RBMS3: variants seen among roughly 807,000 people sequenced by gnomAD.
RBMS3 encodes RNA binding motif single stranded interacting protein 3, also known as RNA-binding motif, single-stranded-interacting protein 3.
In RBMS3, 27 loss-of-function variants were observed where a neutral mutation model predicts 66.8. The ratio of observed to expected loss-of-function variants is 0.40; its 90% CI spans 0.30 to 0.56. The LOEUF (loss-of-function observed/expected upper bound fraction) is 0.56. Ranked by LOEUF, RBMS3 falls within the 20% of genes least tolerant of loss-of-function variation. The pLI is 0.40. For synonymous variants in RBMS3, 188 were observed against 183.0 expected (o/e 1.03, Z -0.22); for missense variants, 513 against 549.5 (o/e 0.93, Z 0.66).
At chr3:29,994,036 G>A (rs1241259716) in intron 14 of RBMS3, among the ~76,000 whole-genome samples, 2 of 137,948 alleles carry the variant, frequency 1.4e-5, no homozygotes, top group African/African-American at 2.9e-5. Context: ...CATCTCACTA[G>A]GGAGTGCCAG....
chr3:29,348,700 T>C (rs1446794105), intron 1 of RBMS3, among the ~76,000 whole-genome samples: 1 of 152,126 alleles, frequency 6.6e-6, no homozygotes, highest in Non-Finnish European at 1.5e-5. Flanking sequence ...AAACCAAAAA[T>C]CGTAAACTCC....
chr3:29,379,990 T>C (rs2038683568), intron 1 of RBMS3, among the ~76,000 whole-genome samples: 1 of 151,934 alleles, frequency 6.6e-6, no homozygotes, highest in Admixed American at 6.6e-5. Flanking sequence ...CCTGAAGAAA[T>C]AGAATGAATT....
chr3:29,832,791 A>G (rs1031904088), intron 6 of RBMS3, among the ~76,000 whole-genome samples: 1 of 152,292 alleles, frequency 6.6e-6, no homozygotes. Context: ...AAGTCCACCC[A>G]TGAACTACTT....
chr3:29,704,269 G>T (rs1478268510), intron 4 of RBMS3, among the ~76,000 whole-genome samples: 1 of 152,162 alleles, frequency 6.6e-6, no homozygotes, highest in Non-Finnish European at 1.5e-5. Context: ...TGCCGTAAAG[G>T]TTGGGGACCC....
chr3:29,820,541 AG>A (rs1348336754), intron 6 of RBMS3, among the ~76,000 whole-genome samples: 1 of 152,122 alleles, frequency 6.6e-6, no homozygotes, highest in Non-Finnish European at 1.5e-5. Context: ...GCTAATTCAA[AG>A]GATAGTGTTC....
chr3:29,303,604 G>A (rs1035233760), intron 1 of RBMS3, among the ~76,000 whole-genome samples: 1 of 151,966 alleles, frequency 6.6e-6, no homozygotes, highest in Non-Finnish European at 1.5e-5. Flanking sequence ...AATAAGTCCT[G>A]TTGAGAGGAA....
At chr3:29,797,591 A>G (rs2057244539) in intron 6 of RBMS3, 1 of 152,230 alleles carries the variant, frequency 6.6e-6, no homozygotes, top group African/African-American at 2.4e-5. Flanking sequence ...AAAAAGGCCT[A>G]GCTTTCAGAC....
At chr3:29,816,888 G>A (rs558143427) in intron 6 of RBMS3, among the ~76,000 whole-genome samples, 5 of 151,916 alleles carry the variant, frequency 3.3e-5, no homozygotes, top group African/African-American at 4.8e-5. Context: ...TCAGGAGTTC[G>A]AGACCAGCCT....
chr3:29,373,058 G>A (rs2038290825), intron 1 of RBMS3, among the ~76,000 whole-genome samples: 1 of 152,096 alleles, frequency 6.6e-6, no homozygotes, highest in South Asian at 2.1e-4. Flanking sequence ...CTTTCTCTGG[G>A]TTTTTAATAC....
chr3:29,515,133 T>C (rs1398269163), intron 3 of RBMS3, among the ~76,000 whole-genome samples: 1 of 152,188 alleles, frequency 6.6e-6, no homozygotes. Context: ...CAAATCGACC[T>C]TAAGTTTGGA....
chr3:29,788,202 A>ATT (rs34037007), intron 6 of RBMS3, among the ~76,000 whole-genome samples: 37,231 of 134,682 alleles, frequency 0.28, 5,273 homozygotes, highest in Non-Finnish European at 0.33. Flanking sequence ...TTTGGAGTTC[A>ATT]TTTTTTTTTT....
chr3:29,547,962 T>C (rs1374725647), intron 3 of RBMS3, among the ~76,000 whole-genome samples: 2 of 150,696 alleles, frequency 1.3e-5, no homozygotes, highest in Non-Finnish European at 3.0e-5. Context: ...CCCTGGCTAA[T>C]TATTATATTA....
chr3:29,465,126 CCACAATGAACGATGATGATAA>C (rs1236605659), intron 2 of RBMS3, among the ~76,000 whole-genome samples: 2 of 152,066 alleles, frequency 1.3e-5, no homozygotes, highest in Non-Finnish European at 2.9e-5. Context: ...TGTACAGTAT[CCACAATGAACGATGATGATAA>C]CACAAGGGCC....
intron 1 of RBMS3, among the ~76,000 whole-genome samples, chr3:29,350,428 G>A (rs573571475): frequency 6.6e-6 from 1 of 152,136 alleles, no homozygotes; most frequent in South Asian, 2.1e-4. Context: ...AAATCATATA[G>A]GTAATTATAT....
chr3:29,619,056 C>G (rs763699706), intron 4 of RBMS3, among the ~76,000 whole-genome samples: 1 of 151,662 alleles, frequency 6.6e-6, no homozygotes, highest in East Asian at 1.9e-4. Flanking sequence ...CATTTGACGT[C>G]GAAAATGATA....
Position 29,528,108 on chromosome 3 carries a change from ATTT to A in RBMS3, c.307+39629_307+39631del, listed in dbSNP as rs66534941. Reference sequence around the variant, plus strand: ...TGAAACATCCACAAATGCAAGCAAGATTTTTTTTTTTTTTTTTTTTTTGAGATA... The same window carrying A: ...TGAAACATCCACAAATGCAAGCAAGATTTTTTTTTTTTTTTTTTTGAGATA... On this transcript the variant is annotated intron_variant, in intron 3 of 14. Coordinates refer to ENST00000383767, the MANE Select transcript of RBMS3 (RefSeq NM_001003793.3). 1.2e-3 allele frequency among the ~76,000 whole-genome samples: 130 copies of A among 108,150 alleles called. 1 individual carries two copies. Among genetic ancestry groups the A allele is most frequent in the African/African-American group, 4.1e-3 (107 of 26,068 alleles). The allele number at this position is 108,150 out of a possible 152,430, so 71.0% of individuals were successfully genotyped here.
chr3:29,398,728 C>T (rs73040693), intron 1 of RBMS3, among the ~76,000 whole-genome samples: 3,853 of 152,176 alleles, frequency 0.025, 67 homozygotes, highest in East Asian at 0.039. Context: ...AGATCCTTGT[C>T]ATGTGCTGCA....
At chr3:29,958,789 G>T (rs1319238325) in intron 12 of RBMS3, among the ~76,000 whole-genome samples, 1 of 152,168 alleles carries the variant, frequency 6.6e-6, no homozygotes, top group Non-Finnish European at 1.5e-5. Context: ...AGAGTGAAAT[G>T]CTGTTAGTGG....
At chr3:29,843,474 T>C (rs1051957594) in intron 6 of RBMS3, among the ~76,000 whole-genome samples, 10 of 152,210 alleles carry the variant, frequency 6.6e-5, no homozygotes, top group Admixed American at 3.3e-4. Flanking sequence ...GTATTTAGCT[T>C]GCATTTGTTT....
Sources: gnomAD v4.1 joint callset for allele counts (sites outside exome capture counted in the v4.1 genomes callset) on GRCh38, gnomAD v4.1.1 for gene constraint, MANE v1.5 for transcripts, NCBI Gene and HGNC (gene_info 2026-07-23, HGNC 2026-07-21) for gene names.